WDR41: variants seen among roughly 807,000 people sequenced by gnomAD.
WDR41 encodes the protein WD repeat-containing protein 41.
A neutral mutation model predicts 69.3 loss-of-function variants in WDR41; 63 were observed. That is an observed-to-expected ratio of 0.91 (90% CI 0.74 to 1.12). The LOEUF (loss-of-function observed/expected upper bound fraction) is 1.12, where lower values mean the gene tolerates loss of function less well. Among genes scored for constraint, WDR41 ranks in the 50% most tolerant of loss-of-function variants. WDR41 has a pLI of 0.00. For missense variants in WDR41, 543 were observed against 534.5 expected, an observed-to-expected ratio of 1.02 and a Z score of -0.16; for synonymous variants, 185 against 192.1, an observed-to-expected ratio of 0.96 and a Z score of 0.31.
At chr5:77,518,012 T>A (rs1802316443) in intron 1 of WDR41, among the ~76,000 whole-genome samples, 1 of 152,140 alleles carries the variant, frequency 6.6e-6, no homozygotes. Context: ...TACCAAATTA[T>A]GAATGCAAAT....
At chr5:77,456,425 T>C (rs335601) in intron 5 of WDR41, among the ~76,000 whole-genome samples, 76,880 of 152,134 alleles carry the variant, frequency 0.51, 19,849 homozygotes, top group African/African-American at 0.59. Flanking sequence ...TGTGTGTTGA[T>C]ATTATATCCT....
chr5:77,594,347 T>A (rs969221142), intron 1 of WDR41, among the ~76,000 whole-genome samples: 2 of 151,544 alleles, frequency 1.3e-5, no homozygotes, highest in Non-Finnish European at 2.9e-5. Context: ...CACACCAACA[T>A]AGCACATGTA....
In WDR41 at chr5:77,489,471, C is replaced by A; in HGVS notation, c.153G>T (p.Gln51His). Residue 51 changes from glutamine to histidine, a missense_variant, in exon 2 of 13, where the codon CAG becomes CAT. Coordinates refer to ENST00000296679, the MANE Select transcript of WDR41 (RefSeq NM_018268.4). ...TAGCTTCTTACCTGTAGTCATCTAA[C>A]TGTACCAGAAATCGTACAATATCAT... is the stretch of plus-strand genomic sequence containing the variant. The part of the protein sequence containing the change: ...AHHDIVRFLV[Q>H]LDDYRFASAG... The A allele has an allele frequency of 2.5e-6, 4 of 1,598,606 alleles. No individual in the cohort carries two copies. Among genetic ancestry groups the A allele is most frequent in the Non-Finnish European group, 3.4e-6 (4 of 1,172,838 alleles).
intron 2 of WDR41, among the ~76,000 whole-genome samples, chr5:77,487,078 T>C (rs1801557479): frequency 6.6e-6 from 1 of 152,200 alleles, no homozygotes; most frequent in Admixed American, 6.5e-5. Context: ...CTTCTAACTA[T>C]GGGATAGGAA....
At chr5:77,543,541 G>A (rs1203190261) in intron 1 of WDR41, among the ~76,000 whole-genome samples, 1 of 152,016 alleles carries the variant, frequency 6.6e-6, no homozygotes, top group African/African-American at 2.4e-5. Context: ...AACTGAACAA[G>A]TGAAAGAAGG....
rs539582350 is a variant in WDR41 at position 77,471,151 on chromosome 5, C to A, written c.168-6342G>T. 1.5e-3 allele frequency among the ~76,000 whole-genome samples: 228 copies of A among 152,312 alleles called. 2 individuals carry two copies. Among genetic ancestry groups the A allele is most frequent in the African/African-American group, 5.2e-3 (215 of 41,566 alleles). On this transcript the variant is annotated intron_variant, in intron 2 of 12. Coordinates refer to ENST00000296679, the MANE Select transcript of WDR41 (RefSeq NM_018268.4). Reference sequence around the variant, plus strand: ...TCAAAACCGTTCAACTACATGGAAACTGAACAACCTGCTCCTGAATGACTA... The same window carrying A: ...TCAAAACCGTTCAACTACATGGAAAATGAACAACCTGCTCCTGAATGACTA...
intron 1 of WDR41, among the ~76,000 whole-genome samples, chr5:77,558,670 A>G (rs1184605684): frequency 6.6e-6 from 1 of 152,222 alleles, no homozygotes; most frequent in Non-Finnish European, 1.5e-5. Context: ...TCTAACAAAC[A>G]TGGTCCTTGA....
intron 1 of WDR41, among the ~76,000 whole-genome samples, chr5:77,521,943 G>T (rs1802376501): frequency 1.3e-5 from 2 of 152,100 alleles, no homozygotes; most frequent in Non-Finnish European, 2.9e-5. Context: ...TAGTCTTCAG[G>T]CTCTAAGACT....
intron 1 of WDR41, among the ~76,000 whole-genome samples, chr5:77,617,686 G>A (rs1346331175): frequency 4.6e-5 from 7 of 152,226 alleles, no homozygotes; most frequent in African/African-American, 1.7e-4. Flanking sequence ...ATATTAGGTA[G>A]GTACGTGTCA....
At chr5:77,486,423 C>G (rs1005867924) in intron 2 of WDR41, among the ~76,000 whole-genome samples, 1 of 152,060 alleles carries the variant, frequency 6.6e-6, no homozygotes, top group South Asian at 2.1e-4. Context: ...CAAATTATTC[C>G]CCCTCCCAAT....
intron 12 of WDR41, 129 bp downstream of exon 12, chr5:77,436,132 T>C (rs967674976): frequency 8.1e-7 from 1 of 1,230,760 alleles, no homozygotes; most frequent in Non-Finnish European, 1.1e-6. Flanking sequence ...TCCCATTCCA[T>C]GTTCAGATCT....
chr5:77,518,448 G>A (rs777822419), intron 1 of WDR41, among the ~76,000 whole-genome samples: 1 of 152,090 alleles, frequency 6.6e-6, no homozygotes, highest in Non-Finnish European at 1.5e-5. Flanking sequence ...TTATTCTGCA[G>A]GGCAAATGGA....
intron 1 of WDR41, chr5:77,546,106 C>T: frequency 1.9e-6 from 1 of 517,362 alleles, no homozygotes. Context: ...GCAAGGCCAC[C>T]TTTGATGCCA....
intron 1 of WDR41, among the ~76,000 whole-genome samples, chr5:77,490,846 CTGAAA>C (rs1250259882): frequency 1.3e-5 from 2 of 152,196 alleles, no homozygotes; most frequent in Non-Finnish European, 2.9e-5. Context: ...TAGGATTAAT[CTGAAA>C]TAAGAAATTT....
At chr5:77,595,196 C>T (rs7703420) in intron 1 of WDR41, among the ~76,000 whole-genome samples, 24,880 of 152,102 alleles carry the variant, frequency 0.16, 2,361 homozygotes, top group East Asian at 0.34. Context: ...GTATTTGAAT[C>T]TGTGTACTAA....
intron 5 of WDR41, among the ~76,000 whole-genome samples, chr5:77,454,492 TGCTTA>T (rs1799751329): frequency 6.6e-6 from 1 of 152,230 alleles, no homozygotes; most frequent in African/African-American, 2.4e-5. Context: ...AATACACAAT[TGCTTA>T]AACCCCTTTT....
At chr5:77,490,316 A>G (rs1163015739) in intron 1 of WDR41, among the ~76,000 whole-genome samples, 5 of 152,142 alleles carry the variant, frequency 3.3e-5, no homozygotes, top group Non-Finnish European at 5.9e-5. Flanking sequence ...GACATTGAGC[A>G]GCATCCCTGG....
intron 2 of WDR41, among the ~76,000 whole-genome samples, chr5:77,483,481 C>CGT (rs35574463): frequency 0.017 from 2,395 of 143,410 alleles, 20 homozygotes; most frequent in Non-Finnish European, 0.025. Flanking sequence ...CCTGAATACT[C>CGT]GTGTGTGTGT....
intron 5 of WDR41, 110 bp from the exon 6 acceptor site, chr5:77,454,038 G>A: frequency 2.6e-6 from 2 of 779,548 alleles, no homozygotes; most frequent in Non-Finnish European, 4.3e-6. Flanking sequence ...ACTAGGTGGA[G>A]CTTATTTCTC....
Sources: allele counts gnomAD v4.1 joint callset (sites outside exome capture counted in the v4.1 genomes callset), GRCh38; gene constraint gnomAD v4.1.1; transcripts MANE v1.5; gene names NCBI Gene and HGNC (gene_info 2026-07-23, HGNC 2026-07-21).